KAZN: variants seen among roughly 807,000 people sequenced by gnomAD.
KAZN encodes kazrin.
KAZN carries 40 observed loss-of-function variants against 87.4 expected under a neutral mutation model. That is an observed-to-expected ratio of 0.46 (90% CI 0.36 to 0.60). KAZN has a LOEUF of 0.60. Ranked by LOEUF, KAZN falls within the 20% of genes least tolerant of loss-of-function variation. The pLI, the probability that KAZN is intolerant of heterozygous loss-of-function variation, is 0.00. For missense variants in KAZN, 898 were observed against 1,073.9 expected, an observed-to-expected ratio of 0.84 and a Z score of 2.29; for synonymous variants, 466 against 458.3, an observed-to-expected ratio of 1.02 and a Z score of -0.22.
chr1:14,571,097 C>A lies in KAZN; in HGVS notation c.250-27886C>A, dbSNP rs374628821. Reference sequence around the variant, plus strand: ...AACCTTGGCTCCTCTGCCGCCCATGCCCTATGACAAAAACCCTTCACTATA... The same window carrying A: ...AACCTTGGCTCCTCTGCCGCCCATGACCTATGACAAAAACCCTTCACTATA... On this transcript the variant is annotated intron_variant, in intron 2 of 16. Transcript: ENST00000636203. Among the ~76,000 whole-genome samples the A allele has an allele frequency of 1.9e-4, 29 of 152,264 alleles. No homozygotes were observed. In the East Asian group the frequency reaches 4.6e-3, roughly 24 times the overall value.
At chr1:15,098,838 A>C (rs1573300712) in intron 10 of KAZN, among the ~76,000 whole-genome samples, 1 of 152,346 alleles carries the variant, frequency 6.6e-6, no homozygotes, top group East Asian at 1.9e-4. Context: ...CACACATTCG[A>C]CTATGAGACA....
At position 14,400,065 on chromosome 1, in the gene KAZN, T is replaced by TC. The variant is rs1663269156; in HGVS notation, c.250-198914dup. Among the ~76,000 whole-genome samples the TC allele has an allele frequency of 2.0e-5, 3 of 151,940 alleles. No individual in the cohort carries two copies. In the South Asian group the frequency reaches 6.2e-4, roughly 32 times the overall value. ...ACACTCCTACCCAAGCATGTAATGA[T>TC]CCCCAAGCCCAGTGATCTCGTAAGC... is the stretch of plus-strand genomic sequence containing the variant. On this transcript the variant is annotated intron_variant, in intron 2 of 16. Coordinates refer to the KAZN transcript ENST00000636203.
At chr1:14,053,336 A>G (rs1186130713) in intron 1 of KAZN, among the ~76,000 whole-genome samples, 6 of 152,152 alleles carry the variant, frequency 3.9e-5, no homozygotes, top group Admixed American at 3.9e-4. Flanking sequence ...AGACGACGAG[A>G]TTGTAGCCCA....
At chr1:14,325,153 ATGT>A (rs777500821) in intron 2 of KAZN, among the ~76,000 whole-genome samples, 1 of 151,908 alleles carries the variant, frequency 6.6e-6, no homozygotes, top group African/African-American at 2.4e-5. Flanking sequence ...TCACATGGAC[ATGT>A]TGTGTGTGTT....
intron 1 of KAZN, among the ~76,000 whole-genome samples, chr1:14,868,841 C>G (rs769402031): frequency 1.3e-5 from 2 of 151,894 alleles, no homozygotes; most frequent in Non-Finnish European, 2.9e-5. Context: ...GAGACCCCAA[C>G]TCTAAAAAAC....
chr1:14,219,059 A>G (rs965501802), intron 2 of KAZN, among the ~76,000 whole-genome samples: 2 of 152,172 alleles, frequency 1.3e-5, no homozygotes, highest in African/African-American at 4.8e-5. Flanking sequence ...CAAAATCCAG[A>G]TAGTAAGAAA....
chr1:13,893,355 C>T, exon 1 of KAZN: 1 of 241,968 alleles, frequency 4.1e-6, no homozygotes. Context: ...AGCCACCCTT[C>T]CGGGTCAAGA....
intron 1 of KAZN, among the ~76,000 whole-genome samples, chr1:14,004,974 C>T (rs1001624153): frequency 6.6e-6 from 1 of 151,436 alleles, no homozygotes; most frequent in African/African-American, 2.5e-5. Flanking sequence ...TGGGATGCCA[C>T]AGAGAGTCCC....
intron 1 of KAZN, among the ~76,000 whole-genome samples, chr1:14,028,381 G>A (rs1291447763): frequency 6.6e-6 from 1 of 152,116 alleles, no homozygotes; most frequent in Admixed American, 6.6e-5. Context: ...ATTGTATCCT[G>A]GTAGATCCTG....
intron 2 of KAZN, among the ~76,000 whole-genome samples, chr1:14,413,609 A>C (rs994194862): frequency 6.0e-5 from 9 of 150,740 alleles, no homozygotes; most frequent in Non-Finnish European, 1.2e-4. Flanking sequence ...AAAAAAAAAA[A>C]AAAAAAAAAA....
intron 1 of KAZN, among the ~76,000 whole-genome samples, chr1:14,172,637 C>T (rs2100267567): frequency 6.6e-6 from 1 of 152,302 alleles, no homozygotes; most frequent in East Asian, 1.9e-4. Context: ...GCTTTGTGGG[C>T]CAGGAATTTG....
intron 2 of KAZN, among the ~76,000 whole-genome samples, chr1:14,379,892 A>T (rs1486711280): frequency 6.6e-6 from 1 of 152,108 alleles, no homozygotes; most frequent in Non-Finnish European, 1.5e-5. Context: ...GCAGTAGCCA[A>T]GCAGTGGTTA....
intron 1 of KAZN, among the ~76,000 whole-genome samples, chr1:14,893,286 A>T (rs1654915021): frequency 6.6e-6 from 1 of 152,198 alleles, no homozygotes; most frequent in Non-Finnish European, 1.5e-5. Flanking sequence ...GAATCTCTGG[A>T]GCCCAGGAGG....
intron 2 of KAZN, among the ~76,000 whole-genome samples, chr1:14,980,553 G>A (rs908961998): frequency 2.6e-5 from 4 of 152,120 alleles, no homozygotes; most frequent in African/African-American, 7.2e-5. Flanking sequence ...TCTGCACCCC[G>A]ACTCCTTGAC....
chr1:14,038,648 A>C (rs886911207), intron 1 of KAZN, among the ~76,000 whole-genome samples: 1 of 152,138 alleles, frequency 6.6e-6, no homozygotes, highest in African/African-American at 2.4e-5. Context: ...CACTGAAGAG[A>C]GTCCTCGGGA....
chr1:14,509,799 T>C (rs898899074), intron 2 of KAZN, among the ~76,000 whole-genome samples: 2 of 152,076 alleles, frequency 1.3e-5, no homozygotes, highest in African/African-American at 2.4e-5. Context: ...TGATGCGGTA[T>C]AGAGGTCTGA....
At chr1:14,136,572 G>A (rs6671072) in intron 1 of KAZN, among the ~76,000 whole-genome samples, 105,072 of 151,894 alleles carry the variant, frequency 0.69, 38,218 homozygotes, top group African/African-American at 0.91. Context: ...AAGGCATTCC[G>A]TAAATTCCAA....
At chr1:14,953,823 A>G (rs933387263) in intron 1 of KAZN, among the ~76,000 whole-genome samples, 2 of 152,310 alleles carry the variant, frequency 1.3e-5, no homozygotes, top group Non-Finnish European at 2.9e-5. Flanking sequence ...AAAGTGGAGA[A>G]AGGTGGAGAA....
chr1:13,930,991 C>A (rs889684167), intron 1 of KAZN, among the ~76,000 whole-genome samples: 2 of 152,176 alleles, frequency 1.3e-5, no homozygotes, highest in Admixed American at 6.5e-5. Context: ...ACCTACCACC[C>A]CTGACCCCTA....
Sources: allele counts gnomAD v4.1 joint callset (sites outside exome capture counted in the v4.1 genomes callset), GRCh38; gene constraint gnomAD v4.1.1; transcripts MANE v1.5; gene names NCBI Gene and HGNC (gene_info 2026-07-23, HGNC 2026-07-21).